The following IGSF21 variants were observed in gnomAD, a reference collection of about 807,000 sequenced individuals.
IGSF21 encodes immunoglobulin superfamily member 21.
IGSF21 carries 28 observed loss-of-function variants against 46.8 expected under a neutral mutation model. That is an observed-to-expected ratio of 0.60 (90% CI 0.44 to 0.82). The LOEUF is 0.82. Ranked by LOEUF, IGSF21 falls within the 40% of genes least tolerant of loss-of-function variation. The pLI is 0.00. For missense variants in IGSF21, 624 were observed against 665.5 expected, an observed-to-expected ratio of 0.94 and a Z score of 0.69; for synonymous variants, 284 against 273.6, an observed-to-expected ratio of 1.04 and a Z score of -0.38.
intron 1 of IGSF21, among the ~76,000 whole-genome samples, chr1:18,140,939 C>CCCTCTG (rs756972317): frequency 5.3e-5 from 8 of 152,204 alleles, no homozygotes; most frequent in Non-Finnish European, 8.8e-5. Context: ...CACCCCTTAG[C>CCCTCTG]CCTCTGCTCC....
At chr1:18,376,418 G>T in intron 7 of IGSF21, 23 bp downstream of exon 7, 1 of 1,578,878 alleles carries the variant, frequency 6.3e-7, no homozygotes, top group South Asian at 1.1e-5. Flanking sequence ...CTGAGCATCT[G>T]GGAGGGTGGT....
intron 1 of IGSF21, among the ~76,000 whole-genome samples, chr1:18,148,018 T>C (rs999708969): frequency 1.3e-5 from 2 of 152,164 alleles, no homozygotes; most frequent in Non-Finnish European, 2.9e-5. Context: ...GTAAGACATC[T>C]CTTTGCTCTT....
At chr1:18,311,899 T>C (rs1321365723) in intron 3 of IGSF21, among the ~76,000 whole-genome samples, 1 of 152,206 alleles carries the variant, frequency 6.6e-6, no homozygotes, top group East Asian at 1.9e-4. Flanking sequence ...TTATGGGAAC[T>C]ACAATTCAAG....
chr1:18,162,127 C>G (rs74736850), intron 1 of IGSF21, among the ~76,000 whole-genome samples: 9,752 of 152,176 alleles, frequency 0.064, 346 homozygotes, highest in African/African-American at 0.087. Flanking sequence ...CTCACTGCAG[C>G]CTCAACTTCC....
chr1:18,359,377 A>AGAAAGAAC (rs2086064064), intron 4 of IGSF21, among the ~76,000 whole-genome samples: 1 of 107,366 alleles, frequency 9.3e-6, no homozygotes, highest in Non-Finnish European at 1.9e-5. Context: ...AAAGAAAGAA[A>AGAAAGAAC]GAAAGAAAGG....
At chr1:18,206,035 C>T (rs1446329094) in intron 1 of IGSF21, among the ~76,000 whole-genome samples, 1 of 152,218 alleles carries the variant, frequency 6.6e-6, no homozygotes, top group African/African-American at 2.4e-5. Flanking sequence ...CCCATCCCCT[C>T]ATGGGGCTGA....
chr1:18,146,721 C>T (rs977263443), intron 1 of IGSF21, among the ~76,000 whole-genome samples: 2 of 152,164 alleles, frequency 1.3e-5, no homozygotes, highest in Admixed American at 1.3e-4. Context: ...AGACCAGAAT[C>T]AGTTCTGACG....
At chr1:18,156,304 C>A (rs183776663) in intron 1 of IGSF21, among the ~76,000 whole-genome samples, 1 of 152,316 alleles carries the variant, frequency 6.6e-6, no homozygotes, top group Admixed American at 6.5e-5. Context: ...ACTGGCTAAG[C>A]CCTGTGCCCA....
In IGSF21 at chr1:18,225,209, C is replaced by G. The variant is rs566384546; in HGVS notation, c.71-2689C>G. On this transcript the variant is annotated intron_variant, in intron 1 of 9. Coordinates refer to ENST00000251296, the MANE Select transcript of IGSF21 (RefSeq NM_032880.5). ...CTGGGAAAAGCTGTCTTGTCTTAACCTGTCAGAGCCACCCCACTCCTGCAC... is the reference window on the plus strand; with the variant it reads ...CTGGGAAAAGCTGTCTTGTCTTAACGTGTCAGAGCCACCCCACTCCTGCAC... Among the ~76,000 whole-genome samples the G allele has an allele frequency of 2.0e-5, 3 of 151,892 alleles. No homozygotes were observed. The East Asian group carries it at 5.8e-4, about 29-fold the overall frequency.
At chr1:18,123,867 G>A (rs148096906) in intron 1 of IGSF21, among the ~76,000 whole-genome samples, 21 of 152,300 alleles carry the variant, frequency 1.4e-4, no homozygotes, top group African/African-American at 4.8e-4. Context: ...AGGTAAGCCA[G>A]TCCTGCAATT....
intron 2 of IGSF21, among the ~76,000 whole-genome samples, chr1:18,274,317 T>G (rs921369238): frequency 1.3e-5 from 2 of 152,192 alleles, no homozygotes; most frequent in African/African-American, 4.8e-5. Context: ...AAGAAGTAAG[T>G]ATGTACAGGT....
Position 18,365,475 on chromosome 1 carries a change from A to T in IGSF21, c.793A>T (p.Ile265Leu). 1 of 1,613,974 alleles carries T rather than the reference A, an allele frequency of 6.2e-7. No individual in the cohort carries two copies. Among genetic ancestry groups the T allele is most frequent in the Non-Finnish European group, 8.5e-7 (1 of 1,180,000 alleles). Residue 265 changes from isoleucine to leucine, a missense_variant, in exon 6 of 10, where the codon ATA becomes TTA. Physicochemically the swap from Ile to Leu is conservative, Grantham distance 5. Coordinates refer to ENST00000251296, the MANE Select transcript of IGSF21 (RefSeq NM_032880.5). This position sits in a 1 kb window ranked among gnomAD's most constrained non-coding sequence, Gnocchi z 4.8. ...NILLQPTTEN[I>L]PETVVSREFP... The stretch of plus-strand genomic sequence containing the variant: ...CCTCCTCCAGCCAACCACAGAGAAC[A>T]TACCAGAGACGGTCGTGAGCCGTGA...
Position 18,376,914 on chromosome 1 carries a change from C to T in IGSF21, c.1216C>T (p.Leu406Phe). Residue 406 changes from leucine (L) to phenylalanine (F), a missense_variant, in exon 8 of 10, where the codon CTC (leucine) becomes TTC (phenylalanine). Physicochemically the swap from Leu to Phe is conservative, Grantham distance 22. Coordinates refer to ENST00000251296, the MANE Select transcript of IGSF21 (RefSeq NM_032880.5). ...ELVLERVPAE[L>F]NGSMYRCTAQ... is the part of the protein sequence containing the mutation. ...GGTGCTGGAGCGGGTTCCCGCCGAGCTCAATGGCTCCATGTATCGCTGCAC... is the reference window on the plus strand; with the variant it reads ...GGTGCTGGAGCGGGTTCCCGCCGAGTTCAATGGCTCCATGTATCGCTGCAC... The T allele has an allele frequency of 6.2e-7, 1 of 1,612,810 alleles. No homozygotes were observed. The highest frequency in any genetic ancestry group is 8.5e-7 in the Non-Finnish European group (1 of 1,178,888).
At chr1:18,149,280 C>T (rs548730703) in intron 1 of IGSF21, among the ~76,000 whole-genome samples, 380 of 152,204 alleles carry the variant, frequency 2.5e-3, no homozygotes, top group African/African-American at 8.4e-3. Flanking sequence ...GAGGAGCGCT[C>T]GGTGTGCAGG....
chr1:18,139,256 T>G (rs2086393341), intron 1 of IGSF21, among the ~76,000 whole-genome samples: 1 of 152,226 alleles, frequency 6.6e-6, no homozygotes, highest in African/African-American at 2.4e-5. Context: ...GTGCTGTGTC[T>G]AATGAGAAAT....
intron 2 of IGSF21, among the ~76,000 whole-genome samples, chr1:18,253,307 G>A (rs2084860258): frequency 6.6e-6 from 1 of 152,218 alleles, no homozygotes; most frequent in Non-Finnish European, 1.5e-5. Context: ...GGGCTACACT[G>A]TTTCCTGGCA....
intron 1 of IGSF21, among the ~76,000 whole-genome samples, chr1:18,152,250 G>T (rs559823387): frequency 6.6e-6 from 1 of 152,318 alleles, no homozygotes; most frequent in Admixed American, 6.5e-5. Context: ...AAATGAGAAA[G>T]GGTGATGTCC....
At position 18,291,925 on chromosome 1, in the gene IGSF21, C is replaced by A; in HGVS notation, c.243C>A (p.Thr81=). ...TCACCTTCGACGCCATGTTCTCCAC[C>A]AACTACTCACACATGGAGAACTACC... is the stretch of plus-strand genomic sequence containing the variant. ...KIFTFDAMFS[T]NYSHMENYRK... is the part of the protein sequence containing the mutation. Residue 81 remains threonine, a synonymous_variant, in exon 3 of 10, where the codon ACC becomes ACA. Transcript: ENST00000251296. The A allele has an allele frequency of 7.4e-6, 12 of 1,613,910 alleles. No individual in the cohort carries two copies. Among genetic ancestry groups the A allele is most frequent in the Non-Finnish European group, 1.0e-5 (12 of 1,179,880 alleles).
intron 4 of IGSF21, among the ~76,000 whole-genome samples, chr1:18,351,881 C>T (rs1004769711): frequency 6.6e-6 from 1 of 152,186 alleles, no homozygotes; most frequent in African/African-American, 2.4e-5. Context: ...AACTACAGAG[C>T]GGAGGCAGTT....
Sources: allele counts gnomAD v4.1 joint callset (sites outside exome capture counted in the v4.1 genomes callset), GRCh38; gene constraint gnomAD v4.1.1; non-coding constraint Gnocchi (gnomAD v3.1); transcripts MANE v1.5; gene names NCBI Gene and HGNC (gene_info 2026-07-23, HGNC 2026-07-21).